The following FAXC variants were observed in gnomAD, a reference collection of about 807,000 sequenced individuals.
FAXC encodes the protein failed axon connections homolog.
A neutral mutation model predicts 41.9 loss-of-function variants in FAXC; 10 were observed. That is an observed-to-expected ratio of 0.24 (90% CI 0.15 to 0.41). FAXC has a LOEUF of 0.41. Ranked by LOEUF, FAXC falls within the 10% of genes least tolerant of loss-of-function variation. The pLI, the probability that FAXC is intolerant of heterozygous loss-of-function variation, is 1.00. For synonymous variants in FAXC, 183 were observed against 183.8 expected (o/e 1.00, Z 0.03); for missense variants, 399 against 510.9 (o/e 0.78, Z 2.11).
chr6:99,308,610 CA>C (rs200816136), intron 4 of FAXC, among the ~76,000 whole-genome samples: 2,752 of 92,454 alleles, frequency 0.03, 62 homozygotes, highest in African/African-American at 0.087. Context: ...ATCTATAATT[CA>C]AAAAAAAAAA....
chr6:99,323,740 A>G, intron 3 of FAXC, 73 bp from the exon 4 acceptor site: 5 of 1,170,648 alleles, frequency 4.3e-6, no homozygotes, highest in Non-Finnish European at 6.2e-6. Context: ...CTTTAGAATG[A>G]GTCGTTCAGA....
chr6:99,284,306 G>C (rs1770935851), intron 5 of FAXC: 1 of 152,230 alleles, frequency 6.6e-6, no homozygotes, highest in Non-Finnish European at 1.5e-5. Context: ...TATCATAAAA[G>C]AAGTGATCAT....
At position 99,274,824 on chromosome 6, in the gene FAXC, T is replaced by A. The variant is rs866959789; in HGVS notation, c.*6340A>T. 6.6e-6 allele frequency: 1 copy of A among 152,180 alleles called. No homozygotes were observed. The highest frequency in any genetic ancestry group is 2.1e-4 in the South Asian group (1 of 4,830). 9.4% of individuals were successfully genotyped at this position (152,180 alleles called of 1,614,324 possible). A position where few individuals can be genotyped will look rare whatever the true frequency, so the allele number is the denominator to read the frequency against. On this transcript the variant is annotated 3_prime_UTR_variant, in exon 6 of 6. Coordinates refer to ENST00000389677, the MANE Select transcript of FAXC (RefSeq NM_032511.4). ...TTATATTTTAATAAGCCAAATATAA[T>A]CTCTTGTAGAAGAGAAGCAAATACG...
chr6:99,342,493 T>G (rs938655534), intron 2 of FAXC, among the ~76,000 whole-genome samples: 1 of 152,102 alleles, frequency 6.6e-6, no homozygotes, highest in Non-Finnish European at 1.5e-5. Context: ...TACAGGCGTC[T>G]GCCACTAGCC....
At chr6:99,344,004 T>A (rs1773510318) in intron 1 of FAXC, among the ~76,000 whole-genome samples, 2 of 152,242 alleles carry the variant, frequency 1.3e-5, no homozygotes, top group South Asian at 4.2e-4. Context: ...CAATAACCAC[T>A]ACATAATGGA....
In FAXC at chr6:99,325,103, T is replaced by TG. The variant is rs1009118106; in HGVS notation, c.600-1437dup. Among the ~76,000 whole-genome samples, 9 of 50,772 alleles carry TG rather than the reference T, an allele frequency of 1.8e-4. No individual in the cohort carries two copies. In the South Asian group the frequency reaches 7.5e-3, roughly 42 times the overall value. 33.3% of individuals were successfully genotyped at this position (50,772 alleles called of 152,430 possible). ...CCAGAATGCTGCAATTTTTAAGGTT[T>TG]GTTTTTTTTTTTAAATCAAAGGGGT... On this transcript the variant is annotated intron_variant, in intron 3 of 5. Coordinates refer to ENST00000389677, the MANE Select transcript of FAXC (RefSeq NM_032511.4).
chr6:99,273,896 T>C lies in FAXC; in HGVS notation c.*7268A>G, dbSNP rs1770503520. The C allele has an allele frequency of 6.6e-6, 1 of 152,112 alleles. No homozygotes were observed. The highest frequency in any genetic ancestry group is 2.4e-5 in the African/African-American group (1 of 41,426). 9.4% of individuals were successfully genotyped at this position (152,112 alleles called of 1,614,324 possible). A position where few individuals can be genotyped will look rare whatever the true frequency, so the allele number is the denominator to read the frequency against. On this transcript the variant is annotated 3_prime_UTR_variant, in exon 6 of 6. Transcript: ENST00000389677. ...AGCAGTGTATACATATATACATATA[T>C]ATCATAAATAAATACATGGAGGGGC...
rs1478668507 is a variant in FAXC, at chr6:99,273,494, C to T, written c.*7670G>A. 1 of 149,504 alleles carries T rather than the reference C, an allele frequency of 6.7e-6. No individual in the cohort carries two copies. Among genetic ancestry groups the T allele is most frequent in the Admixed American group, 6.8e-5 (1 of 14,784 alleles). 9.3% of individuals were successfully genotyped at this position (149,504 alleles called of 1,614,324 possible). A position where few individuals can be genotyped will look rare whatever the true frequency, so the allele number is the denominator to read the frequency against. On this transcript the variant is annotated 3_prime_UTR_variant, in exon 6 of 6. Coordinates refer to ENST00000389677, the MANE Select transcript of FAXC (RefSeq NM_032511.4). ...CTTTCTTTTCTTGTTTTGCTTACCT[C>T]AGTGTGTTGTTAAATCTTTCTGGAA...
chr6:99,288,353 G>T (rs1345575689), intron 5 of FAXC, among the ~76,000 whole-genome samples: 1 of 152,264 alleles, frequency 6.6e-6, no homozygotes, highest in Non-Finnish European at 1.5e-5. Context: ...TGTGTGGGGG[G>T]TTGTATAGAG....
chr6:99,306,103 C>T (rs1162418027), intron 4 of FAXC, among the ~76,000 whole-genome samples: 1 of 152,002 alleles, frequency 6.6e-6, no homozygotes, highest in Non-Finnish European at 1.5e-5. Context: ...GCTATTTAGA[C>T]AGAGACATGA....
intron 1 of FAXC, among the ~76,000 whole-genome samples, chr6:99,345,525 G>C (rs1340855001): frequency 6.6e-6 from 1 of 152,186 alleles, no homozygotes; most frequent in African/African-American, 2.4e-5. Context: ...GGTTTGGGTA[G>C]GTTGTTCCCT....
chr6:99,333,206 A>G (rs1234902680), intron 3 of FAXC, 145 bp downstream of exon 3: 1 of 662,326 alleles, frequency 1.5e-6, no homozygotes, highest in Non-Finnish European at 2.5e-6. Flanking sequence ...CTTCACAGTC[A>G]TAATAACTTT....
Position 99,271,405 on chromosome 6 carries a change from G to A in FAXC, c.*9759C>T, listed in dbSNP as rs1770394895. 6.6e-6 allele frequency: 1 copy of A among 152,120 alleles called. No individual in the cohort carries two copies. The highest frequency in any genetic ancestry group is 1.5e-5 in the Non-Finnish European group (1 of 68,016). The allele number at this position is 152,120 out of a possible 1,614,324, so 9.4% of individuals were successfully genotyped here. A position where few individuals can be genotyped will look rare whatever the true frequency, so the allele number is the denominator to read the frequency against. On this transcript the variant is annotated 3_prime_UTR_variant, in exon 6 of 6. Transcript: ENST00000389677. Reference sequence around the variant, plus strand: ...AGGGTCTATGTTAATAAACAGGGCTGATAGGATTTATAGGTCAAGAGAAAT... The same window carrying A: ...AGGGTCTATGTTAATAAACAGGGCTAATAGGATTTATAGGTCAAGAGAAAT...
chr6:99,283,594 G>A (rs1770911854), intron 5 of FAXC, among the ~76,000 whole-genome samples: 1 of 152,168 alleles, frequency 6.6e-6, no homozygotes, highest in Non-Finnish European at 1.5e-5. Context: ...GCCAGAAACT[G>A]AGAAGTCAAC....
Position 99,280,415 on chromosome 6 carries a change from T to C in FAXC, c.*749A>G, listed in dbSNP as rs892745860. 1 of 152,238 alleles carries C rather than the reference T, an allele frequency of 6.6e-6. No homozygotes were observed. Among genetic ancestry groups the C allele is most frequent in the Non-Finnish European group, 1.5e-5 (1 of 68,046 alleles). 9.4% of individuals were successfully genotyped at this position (152,238 alleles called of 1,614,324 possible). On this transcript the variant is annotated 3_prime_UTR_variant, in exon 6 of 6. Coordinates refer to ENST00000389677, the MANE Select transcript of FAXC (RefSeq NM_032511.4). ...GTGCAATAAAGAATAAAATGCTGTG[T>C]TTATGTCGCACCACTTCTAAGAGGT... is the stretch of plus-strand genomic sequence containing the variant.
At chr6:99,312,510 C>G (rs1209036609) in intron 4 of FAXC, among the ~76,000 whole-genome samples, 2 of 152,180 alleles carry the variant, frequency 1.3e-5, no homozygotes, top group Middle Eastern at 3.4e-3. Context: ...GAAGATACAC[C>G]AACTTATACA....
intron 4 of FAXC, among the ~76,000 whole-genome samples, chr6:99,295,110 A>G (rs539519366): frequency 6.6e-6 from 1 of 152,242 alleles, no homozygotes; most frequent in Non-Finnish European, 1.5e-5. Context: ...CACAGAACGC[A>G]AAAGGGAAAA....
In FAXC at chr6:99,349,345, A is replaced by G. The variant is rs1773710229; in HGVS notation, c.28T>C (p.Ser10Pro). Reference sequence around the variant, plus strand: ...CTCAGATCCACCACGCACGGCCTGGACGAAGCAAAGCCAACCCCCCAGTGC... The same window carrying G: ...CTCAGATCCACCACGCACGGCCTGGGCGAAGCAAAGCCAACCCCCCAGTGC... The part of the protein sequence containing the change: MHWGVGFAS[S>P]RPCVVDLSWN... The change falls in exon 1 of 6, where the codon TCC becomes CCC. Residue 10 changes from serine (S) to proline (P), a missense_variant. Physicochemically the swap from Ser to Pro is moderately conservative, Grantham distance 74. This residue lies in a region of FAXC where 68 missense variants were observed against 63.4 expected (regional missense o/e 1.07). Coordinates refer to ENST00000389677, the MANE Select transcript of FAXC (RefSeq NM_032511.4). 1 of 1,612,430 alleles carries G rather than the reference A, an allele frequency of 6.2e-7. No homozygotes were observed. Among genetic ancestry groups the G allele is most frequent in the Admixed American group, 1.7e-5 (1 of 59,988 alleles).
intron 4 of FAXC, among the ~76,000 whole-genome samples, chr6:99,311,372 C>T (rs1213420379): frequency 1.3e-5 from 2 of 152,086 alleles, no homozygotes; most frequent in South Asian, 2.1e-4. Flanking sequence ...GTCAGGAGTT[C>T]GAGACCAGCC....
Sources: gnomAD v4.1 joint callset for allele counts (sites outside exome capture counted in the v4.1 genomes callset) on GRCh38, gnomAD v4.1.1 for gene constraint, gnomAD v4.1.1 regional missense constraint, MANE v1.5 for transcripts, NCBI Gene and HGNC (gene_info 2026-07-23, HGNC 2026-07-21) for gene names.